MYO1E: variants seen among roughly 807,000 people sequenced by gnomAD.
MYO1E encodes the protein myosin IE, also known as unconventional myosin-Ie.
A neutral mutation model predicts 151.1 loss-of-function variants in MYO1E; 68 were observed. That is an observed-to-expected ratio of 0.45 (90% CI 0.37 to 0.55). The LOEUF is 0.55. Among genes scored for constraint, MYO1E ranks in the 20% least tolerant of loss-of-function variants. The pLI is 0.00. For synonymous variants in MYO1E, 601 were observed against 501.7 expected (o/e 1.20, Z -2.64); for missense variants, 1,363 against 1,389.3 (o/e 0.98, Z 0.30).
chr15:59,274,424 T>C (rs890353840), intron 1 of MYO1E, among the ~76,000 whole-genome samples: 1 of 152,144 alleles, frequency 6.6e-6, no homozygotes, highest in Non-Finnish European at 1.5e-5. Flanking sequence ...TAATTCCCAG[T>C]GATTCCTCCT....
intron 1 of MYO1E, among the ~76,000 whole-genome samples, chr15:59,309,073 C>T (rs2080533813): frequency 6.6e-6 from 1 of 151,818 alleles, no homozygotes; most frequent in Non-Finnish European, 1.5e-5. Context: ...ATGATCACAC[C>T]ACTGCACTCC....
intron 1 of MYO1E, among the ~76,000 whole-genome samples, chr15:59,283,121 A>C (rs1247474454): frequency 1.3e-5 from 2 of 150,880 alleles, no homozygotes; most frequent in African/African-American, 2.4e-5. Flanking sequence ...GGCTGCCTTC[A>C]CAAGCCTGGT....
At chr15:59,292,928 G>A (rs1450342141) in intron 1 of MYO1E, among the ~76,000 whole-genome samples, 1 of 152,112 alleles carries the variant, frequency 6.6e-6, no homozygotes, top group Non-Finnish European at 1.5e-5. Flanking sequence ...GATTTGAGGT[G>A]GCAGGCAAAT....
chr15:59,144,379 C>A (rs1269368249), intron 26 of MYO1E, among the ~76,000 whole-genome samples: 1 of 152,042 alleles, frequency 6.6e-6, no homozygotes, highest in African/African-American at 2.4e-5. Context: ...GTTGGCTAGG[C>A]TGGTGTTGAA....
intron 1 of MYO1E, among the ~76,000 whole-genome samples, chr15:59,299,056 T>C (rs551323682): frequency 6.6e-6 from 1 of 152,184 alleles, no homozygotes; most frequent in Non-Finnish European, 1.5e-5. Flanking sequence ...TGAAGGCCAG[T>C]GAGCTTATTC....
intron 24 of MYO1E, among the ~76,000 whole-genome samples, chr15:59,160,768 C>T (rs939139238): frequency 6.6e-6 from 1 of 151,876 alleles, no homozygotes; most frequent in Admixed American, 6.6e-5. Flanking sequence ...GTATTGTGGA[C>T]AAGATCTGAC....
At chr15:59,305,073 T>C (rs548276989) in intron 1 of MYO1E, among the ~76,000 whole-genome samples, 2 of 152,346 alleles carry the variant, frequency 1.3e-5, no homozygotes, top group Admixed American at 1.3e-4. Flanking sequence ...GAGTGGTGTA[T>C]AGCGTCCACT....
At position 59,277,182 on chromosome 15, in the gene MYO1E, T is replaced by C. The variant is rs16941227; in HGVS notation, c.4-4733A>G. Among the ~76,000 whole-genome samples, 389 of 152,250 alleles carry C rather than the reference T, an allele frequency of 2.6e-3. 2 individuals carry two copies. The highest frequency in any genetic ancestry group is 8.8e-3 in the African/African-American group (365 of 41,540). On this transcript the variant is annotated intron_variant, in intron 1 of 27. Transcript: ENST00000288235. The stretch of plus-strand genomic sequence containing the variant: ...GAGTAAACTGCACAGTATTTTTAGG[T>C]AGCAATTTAGAAATCGGTATTGAAA...
At chr15:59,340,771 C>T (rs1273925324) in intron 1 of MYO1E, among the ~76,000 whole-genome samples, 2 of 151,968 alleles carry the variant, frequency 1.3e-5, no homozygotes, top group East Asian at 3.9e-4. Flanking sequence ...TGCCTGTAAT[C>T]CCAGCACTTT....
chr15:59,297,773 G>C (rs1240760665), intron 1 of MYO1E, among the ~76,000 whole-genome samples: 9 of 151,974 alleles, frequency 5.9e-5, no homozygotes, highest in Admixed American at 5.9e-4. Context: ...GTACAGATGA[G>C]GTCTCACTAT....
At chr15:59,205,601 G>C (rs2079828706) in intron 14 of MYO1E, 116 bp from the exon 15 acceptor site, 3 of 909,026 alleles carry the variant, frequency 3.3e-6, no homozygotes, top group Non-Finnish European at 5.3e-6. Flanking sequence ...AGCTGTCATG[G>C]CTACCCTCAC....
chr15:59,227,524 G>C lies in MYO1E; in HGVS notation c.577C>G (p.Leu193Val). The change falls in exon 7 of 28, where the codon CTT (leucine) becomes GTT (valine). Residue 193 changes from leucine to valine, a missense_variant. Transcript: ENST00000288235. ...ATCACCACCCTAGATTTTTCCAGAA[G>C]GAAGTTGGAGATCTTTCCACCATCT... is the stretch of plus-strand genomic sequence containing the variant. ...EPDGGKISNF[L>V]LEKSRVVMRN... is the part of the protein sequence containing the mutation. 4 of 1,614,152 alleles carry C rather than the reference G, an allele frequency of 2.5e-6. No homozygotes were observed. Among genetic ancestry groups the C allele is most frequent in the Non-Finnish European group, 3.4e-6 (4 of 1,180,010 alleles).
intron 4 of MYO1E, among the ~76,000 whole-genome samples, chr15:59,240,112 T>C (rs1233509220): frequency 6.6e-6 from 1 of 152,236 alleles, no homozygotes; most frequent in African/African-American, 2.4e-5. Context: ...ACAAATACTC[T>C]AGAAATTAGG....
At chr15:59,240,462 GA>G (rs1238683104) in intron 4 of MYO1E, among the ~76,000 whole-genome samples, 1 of 151,986 alleles carries the variant, frequency 6.6e-6, no homozygotes, top group African/African-American at 2.4e-5. Flanking sequence ...ATGTTCTGGG[GA>G]AAAAAAGCCA....
At chr15:59,210,439 C>T in intron 13 of MYO1E, 75 bp downstream of exon 13, 3 of 1,085,952 alleles carry the variant, frequency 2.8e-6, no homozygotes, top group Non-Finnish European at 4.3e-6. Context: ...TGTTCTAAAA[C>T]AATGACACAG....
intron 1 of MYO1E, among the ~76,000 whole-genome samples, chr15:59,302,638 G>C (rs2080489842): frequency 1.3e-5 from 2 of 152,130 alleles, no homozygotes; most frequent in Admixed American, 1.3e-4. Flanking sequence ...TGCCACCTGA[G>C]CAAAGAAATC....
chr15:59,180,912 C>T lies in MYO1E; in HGVS notation c.1905-2375G>A, dbSNP rs529322831. Among the ~76,000 whole-genome samples the T allele has an allele frequency of 3.9e-5, 6 of 152,278 alleles. No individual in the cohort carries two copies. The South Asian group carries it at 1.2e-3, about 32-fold the overall frequency. On this transcript the variant is annotated intron_variant, in intron 18 of 27. Transcript: ENST00000288235. ...ATTTTCAGTTTAAGACTCAAATATGCTAATATTTCCTCTCAAGGCCTTTGT... is the reference window on the plus strand; with the variant it reads ...ATTTTCAGTTTAAGACTCAAATATGTTAATATTTCCTCTCAAGGCCTTTGT...
chr15:59,178,613 G>C, intron 18 of MYO1E, 76 bp from the exon 19 acceptor site: 2 of 1,564,570 alleles, frequency 1.3e-6, no homozygotes, highest in African/African-American at 2.7e-5. Context: ...AAGGCAGCAA[G>C]AGCTCTGCTC....
At chr15:59,144,452 C>A (rs2079429081) in intron 26 of MYO1E, among the ~76,000 whole-genome samples, 1 of 152,130 alleles carries the variant, frequency 6.6e-6, no homozygotes, top group South Asian at 2.1e-4. Flanking sequence ...CAGTTGTGAG[C>A]CAATGCGCCC....
Sources: gnomAD v4.1 joint callset for allele counts (sites outside exome capture counted in the v4.1 genomes callset) on GRCh38, gnomAD v4.1.1 for gene constraint, MANE v1.5 for transcripts, NCBI Gene and HGNC (gene_info 2026-07-23, HGNC 2026-07-21) for gene names.